FRMD5: variants seen among roughly 807,000 people sequenced by gnomAD.
FRMD5 encodes the protein FERM domain-containing protein 5.
A neutral mutation model predicts 69.0 loss-of-function variants in FRMD5; 20 were observed. The ratio of observed to expected loss-of-function variants is 0.29; its 90% CI spans 0.20 to 0.42. FRMD5 has a LOEUF of 0.42. Among genes scored for constraint, FRMD5 ranks in the 10% least tolerant of loss-of-function variants. The pLI, the probability that FRMD5 is intolerant of heterozygous loss-of-function variation, is 1.00. For missense variants in FRMD5, 595 were observed against 708.6 expected, an observed-to-expected ratio of 0.84 and a Z score of 1.82; for synonymous variants, 271 against 260.1, an observed-to-expected ratio of 1.04 and a Z score of -0.40.
intron 8 of FRMD5, among the ~76,000 whole-genome samples, chr15:43,891,028 C>A (rs532698453): frequency 6.6e-6 from 1 of 152,174 alleles, no homozygotes; most frequent in Admixed American, 6.5e-5. Context: ...AGACTTCCCC[C>A]CACTGAGCTC....
chr15:44,141,993 G>T (rs2077281117), intron 1 of FRMD5, among the ~76,000 whole-genome samples: 1 of 152,072 alleles, frequency 6.6e-6, no homozygotes, highest in Non-Finnish European at 1.5e-5. Context: ...TAGGCTTGTT[G>T]TCCTTGTCTG....
At chr15:44,122,400 G>A (rs947864900) in intron 1 of FRMD5, among the ~76,000 whole-genome samples, 3 of 151,534 alleles carry the variant, frequency 2.0e-5, no homozygotes, top group Non-Finnish European at 4.4e-5. Context: ...TTGTCTCTAC[G>A]AAAAATACAA....
At chr15:43,913,924 C>A (rs1000359672) in intron 4 of FRMD5, among the ~76,000 whole-genome samples, 4 of 152,182 alleles carry the variant, frequency 2.6e-5, no homozygotes, top group African/African-American at 9.7e-5. Context: ...AGCTCTAGAC[C>A]GGATTTAGGA....
At chr15:43,939,251 A>T (rs1483406016) in intron 1 of FRMD5, among the ~76,000 whole-genome samples, 1 of 152,134 alleles carries the variant, frequency 6.6e-6, no homozygotes, top group Non-Finnish European at 1.5e-5. Context: ...ACCAATCCCA[A>T]ATCCCCCAGA....
At chr15:44,124,609 G>A (rs1248789888) in intron 1 of FRMD5, among the ~76,000 whole-genome samples, 1 of 152,006 alleles carries the variant, frequency 6.6e-6, no homozygotes, top group Non-Finnish European at 1.5e-5. Flanking sequence ...TGAGGCAGGA[G>A]AAGCACTTGA....
intron 1 of FRMD5, among the ~76,000 whole-genome samples, chr15:43,949,030 C>A (rs1332602243): frequency 6.6e-6 from 1 of 152,218 alleles, no homozygotes; most frequent in Non-Finnish European, 1.5e-5. Flanking sequence ...CTTCATGGGA[C>A]ACTTCTGCTT....
intron 1 of FRMD5, among the ~76,000 whole-genome samples, chr15:44,052,098 T>C (rs1177499487): frequency 6.6e-6 from 1 of 152,164 alleles, no homozygotes; most frequent in East Asian, 1.9e-4. Context: ...GTTACATATA[T>C]TATTTTGAAT....
chr15:43,988,842 C>G (rs528372254), intron 1 of FRMD5, among the ~76,000 whole-genome samples: 1 of 152,152 alleles, frequency 6.6e-6, no homozygotes, highest in South Asian at 2.1e-4. Context: ...AAAAAAAGAA[C>G]AATGTACAAT....
intron 1 of FRMD5, among the ~76,000 whole-genome samples, chr15:44,169,522 G>T (rs2077764931): frequency 6.6e-6 from 1 of 152,186 alleles, no homozygotes; most frequent in Non-Finnish European, 1.5e-5. Context: ...AAGCTTATGA[G>T]AACAGAGTTA....
intron 1 of FRMD5, among the ~76,000 whole-genome samples, chr15:43,998,785 G>A: frequency 6.6e-6 from 1 of 152,182 alleles, no homozygotes; most frequent in Non-Finnish European, 1.5e-5. Flanking sequence ...TTTCACATCA[G>A]GAAGTTCAGT....
At chr15:44,047,177 C>T (rs1034397168) in intron 1 of FRMD5, among the ~76,000 whole-genome samples, 6 of 151,974 alleles carry the variant, frequency 3.9e-5, no homozygotes, top group East Asian at 1.9e-4. Context: ...GGCATGGTGG[C>T]GGGTGCCTGT....
In FRMD5 at chr15:43,958,473, C is replaced by G. The variant is rs181882855; in HGVS notation, c.103-34164G>C. Reference sequence around the variant, plus strand: ...AAGGTCTCACTCTGTCGCCCAGGAGCGCAGTGGCAACATCACAATCACGAT... The same window carrying G: ...AAGGTCTCACTCTGTCGCCCAGGAGGGCAGTGGCAACATCACAATCACGAT... On this transcript the variant is annotated intron_variant, in intron 1 of 13. Transcript: ENST00000417257. 3.6e-3 allele frequency among the ~76,000 whole-genome samples: 549 copies of G among 152,294 alleles called. 3 individuals carry two copies. The highest frequency in any genetic ancestry group is 6.1e-3 in the Non-Finnish European group (416 of 68,026).
Position 44,187,946 on chromosome 15 carries a change from C to T in FRMD5, c.102+7007G>A, listed in dbSNP as rs149010945. On this transcript the variant is annotated intron_variant, in intron 1 of 13. Transcript: ENST00000417257. Reference sequence around the variant, plus strand: ...ACAATTATTAATTTTGGAATCCCTCCCCATTTCCCAAACTCCAACCCAAAT... The same window carrying T: ...ACAATTATTAATTTTGGAATCCCTCTCCATTTCCCAAACTCCAACCCAAAT... 9.7e-3 allele frequency among the ~76,000 whole-genome samples: 1,469 copies of T among 152,196 alleles called. 24 individuals carry two copies. The highest frequency in any genetic ancestry group is 0.015 in the Admixed American group (227 of 15,294).
chr15:44,020,073 T>A (rs1008112829), intron 1 of FRMD5, among the ~76,000 whole-genome samples: 56 of 152,048 alleles, frequency 3.7e-4, no homozygotes, highest in African/African-American at 1.4e-3. Flanking sequence ...TCTATTAGAG[T>A]CCTTTAACCA....
At chr15:44,085,462 T>C (rs1894160118) in intron 1 of FRMD5, among the ~76,000 whole-genome samples, 2 of 152,094 alleles carry the variant, frequency 1.3e-5, no homozygotes, top group Non-Finnish European at 2.9e-5. Context: ...CAACGACTCA[T>C]AGGTCAAAGT....
intron 4 of FRMD5, among the ~76,000 whole-genome samples, chr15:43,912,276 C>CTG (rs1002593541): frequency 2.0e-5 from 3 of 152,304 alleles, no homozygotes; most frequent in Admixed American, 1.3e-4. Flanking sequence ...CAACCCTACT[C>CTG]TGCCCAAATG....
chr15:43,902,079 G>C (rs539495943), intron 7 of FRMD5, 96 bp downstream of exon 7: 2 of 854,056 alleles, frequency 2.3e-6, no homozygotes, highest in African/African-American at 3.4e-5. Context: ...CCATGTAAAC[G>C]TTGAAGGGGG....
In FRMD5 at chr15:43,873,402, G is replaced by C; in HGVS notation, c.*483C>G. On this transcript the variant is annotated 3_prime_UTR_variant, in exon 14 of 14. Coordinates refer to ENST00000417257, the MANE Select transcript of FRMD5 (RefSeq NM_032892.5). ...CCAGATCCCTGGCCTGCCCTGCTGA[G>C]GCTGCAGTGATGAGTCTACTGGAAC... The C allele has an allele frequency of 4.2e-6, 6 of 1,440,502 alleles. 1 individual carries two copies. In the South Asian group the frequency reaches 7.5e-5, roughly 18 times the overall value. The allele number at this position is 1,440,502 out of a possible 1,614,324, so 89.2% of individuals were successfully genotyped here. A position where few individuals can be genotyped will look rare whatever the true frequency, so the allele number is the denominator to read the frequency against.
chr15:44,153,901 G>A (rs372465377), intron 1 of FRMD5, among the ~76,000 whole-genome samples: 1 of 152,174 alleles, frequency 6.6e-6, no homozygotes, highest in South Asian at 2.1e-4. Flanking sequence ...CCAGGAGGTA[G>A]AGGTTGCAGT....
Sources: allele counts gnomAD v4.1 joint callset (sites outside exome capture counted in the v4.1 genomes callset), GRCh38; gene constraint gnomAD v4.1.1; transcripts MANE v1.5; gene names NCBI Gene and HGNC (gene_info 2026-07-23, HGNC 2026-07-21).